The following GFRA1 variants were observed in gnomAD, a reference collection of about 807,000 sequenced individuals.
GFRA1 encodes GDNF family receptor alpha-1.
In GFRA1, 16 loss-of-function variants were observed where a neutral mutation model predicts 51.6. The observed-to-expected ratio is 0.31, with a 90% CI of 0.21 to 0.47. The LOEUF is 0.47. Ranked by LOEUF, GFRA1 falls within the 20% of genes least tolerant of loss-of-function variation. The pLI is 1.00. For missense variants in GFRA1, 530 were observed against 594.3 expected (o/e 0.89, Z 1.13); for synonymous variants, 270 against 241.3 (o/e 1.12, Z -1.10).
At chr10:116,096,792 T>C (rs765882616) in intron 6 of GFRA1, 28 bp from the exon 7 acceptor site, 17 of 1,249,800 alleles carry the variant, frequency 1.4e-5, no homozygotes, top group Admixed American at 3.5e-5. Context: ...GGGTGGGGGG[T>C]GGAAATGTGC....
intron 4 of GFRA1, among the ~76,000 whole-genome samples, chr10:116,222,980 T>C (rs904229337): frequency 2.0e-5 from 3 of 152,230 alleles, no homozygotes; most frequent in African/African-American, 7.2e-5. Flanking sequence ...TATAGATTAT[T>C]TAAATTAACT....
intron 5 of GFRA1, among the ~76,000 whole-genome samples, chr10:116,194,371 TG>T (rs1277846894): frequency 1.3e-5 from 2 of 152,210 alleles, no homozygotes. Flanking sequence ...CTCACCTTGC[TG>T]GGTCAACTAT....
intron 5 of GFRA1, among the ~76,000 whole-genome samples, chr10:116,208,957 G>A (rs1964988974): frequency 6.6e-6 from 1 of 152,192 alleles, no homozygotes. Context: ...GCTACCCAAT[G>A]TCTCTGTGGA....
At chr10:116,185,899 C>G (rs1453837906) in intron 5 of GFRA1, among the ~76,000 whole-genome samples, 3 of 152,212 alleles carry the variant, frequency 2.0e-5, no homozygotes, top group Non-Finnish European at 2.9e-5. Flanking sequence ...GGATTGATAT[C>G]TAGGCATGGA....
At chr10:116,094,630 TA>T (rs1956498933) in intron 7 of GFRA1, among the ~76,000 whole-genome samples, 1 of 152,226 alleles carries the variant, frequency 6.6e-6, no homozygotes, top group Non-Finnish European at 1.5e-5. Flanking sequence ...CTTTTGTTTT[TA>T]TATATTTTCT....
chr10:116,229,498 G>C (rs1228331306), intron 4 of GFRA1, among the ~76,000 whole-genome samples: 1 of 152,164 alleles, frequency 6.6e-6, no homozygotes, highest in African/African-American at 2.4e-5. Context: ...AATAGCATCA[G>C]CAAGAACTCT....
At chr10:116,122,914 T>C (rs374925683) in intron 6 of GFRA1, among the ~76,000 whole-genome samples, 1 of 152,158 alleles carries the variant, frequency 6.6e-6, no homozygotes, top group East Asian at 1.9e-4. Flanking sequence ...CATCTTATTA[T>C]AGAGACAGGG....
intron 5 of GFRA1, among the ~76,000 whole-genome samples, chr10:116,126,959 C>T (rs1476545840): frequency 1.3e-5 from 2 of 152,098 alleles, no homozygotes; most frequent in Non-Finnish European, 2.9e-5. Context: ...GGATAAACCT[C>T]GAGGACATTA....
chr10:116,174,649 A>G (rs1476878273), intron 5 of GFRA1, among the ~76,000 whole-genome samples: 1 of 152,156 alleles, frequency 6.6e-6, no homozygotes, highest in African/African-American at 2.4e-5. Context: ...TCAATTTTAT[A>G]CCTTAGTCCA....
At chr10:116,088,980 T>C (rs923130540) in intron 9 of GFRA1, among the ~76,000 whole-genome samples, 3 of 104,640 alleles carry the variant, frequency 2.9e-5, no homozygotes, top group Admixed American at 9.9e-5. Flanking sequence ...AACATACAAA[T>C]AGGAGATGTC....
chr10:116,190,733 C>T (rs576254950), intron 5 of GFRA1, among the ~76,000 whole-genome samples: 12 of 152,308 alleles, frequency 7.9e-5, no homozygotes, highest in Admixed American at 4.6e-4. Context: ...GAAAGAGAGA[C>T]GAAAGCTAGA....
chr10:116,198,229 TAACTTTC>T (rs3981276), intron 5 of GFRA1, among the ~76,000 whole-genome samples: 18,718 of 152,012 alleles, frequency 0.12, 1,160 homozygotes, highest in South Asian at 0.16. Flanking sequence ...TGCAGGATAT[TAACTTTC>T]AACTGCTGGA....
intron 9 of GFRA1, among the ~76,000 whole-genome samples, chr10:116,067,480 C>G (rs1029498199): frequency 6.6e-6 from 1 of 152,150 alleles, no homozygotes; most frequent in Non-Finnish European, 1.5e-5. Context: ...AGCCAAGTTG[C>G]GCCTGAGTGT....
chr10:116,153,405 C>A (rs1328543631), intron 5 of GFRA1, among the ~76,000 whole-genome samples: 16 of 152,216 alleles, frequency 1.1e-4, no homozygotes, highest in Non-Finnish European at 2.1e-4. Flanking sequence ...AGTGATCAAT[C>A]TCCCATGGTT....
intron 5 of GFRA1, among the ~76,000 whole-genome samples, chr10:116,173,745 G>A (rs1961277969): frequency 6.6e-6 from 1 of 152,140 alleles, no homozygotes. Context: ...ATATATATCT[G>A]TTTAGTTGGG....
intron 6 of GFRA1, among the ~76,000 whole-genome samples, chr10:116,116,085 A>ACT (rs3837361): frequency 2.6e-5 from 4 of 151,400 alleles, no homozygotes; most frequent in African/African-American, 4.9e-5. Context: ...CCAGCACTGT[A>ACT]CTCTCTCTCT....
At chr10:116,080,385 A>G (rs1282226755) in intron 9 of GFRA1, among the ~76,000 whole-genome samples, 3 of 152,164 alleles carry the variant, frequency 2.0e-5, no homozygotes, top group Non-Finnish European at 4.4e-5. Flanking sequence ...CAGTGCTACA[A>G]ATTGGGTGCA....
chr10:116,069,776 G>T (rs1589761553), intron 9 of GFRA1, among the ~76,000 whole-genome samples: 1 of 152,290 alleles, frequency 6.6e-6, no homozygotes, highest in East Asian at 1.9e-4. Flanking sequence ...GCAGAACGCA[G>T]AGATGCACAC....
intron 5 of GFRA1, among the ~76,000 whole-genome samples, chr10:116,169,870 C>T (rs1000586664): frequency 6.6e-6 from 1 of 152,156 alleles, no homozygotes; most frequent in Non-Finnish European, 1.5e-5. Flanking sequence ...CATCCACAGA[C>T]AGCACATACT....
Sources: gnomAD v4.1 joint callset for allele counts (sites outside exome capture counted in the v4.1 genomes callset) on GRCh38, gnomAD v4.1.1 for gene constraint, MANE v1.5 for transcripts, NCBI Gene and HGNC (gene_info 2026-07-23, HGNC 2026-07-21) for gene names.